DEPDC5: variants seen among roughly 807,000 people sequenced by gnomAD.
The protein encoded by DEPDC5 is DEP domain containing 5, GATOR1 subcomplex subunit.
A neutral mutation model predicts 217.3 loss-of-function variants in DEPDC5; 73 were observed. The ratio of observed to expected loss-of-function variants is 0.34; its 90% CI spans 0.28 to 0.41. The LOEUF is 0.41. Ranked by LOEUF, DEPDC5 falls within the 10% of genes least tolerant of loss-of-function variation. The probability of loss-of-function intolerance (pLI) is 1.00; values close to 1 mark genes in which losing one functional copy is unlikely to be tolerated. For synonymous variants in DEPDC5, 733 were observed against 756.7 expected, an observed-to-expected ratio of 0.97 and a Z score of 0.51; for missense variants, 1,675 against 2,070.1, an observed-to-expected ratio of 0.81 and a Z score of 3.70.
intron 25 of DEPDC5, among the ~76,000 whole-genome samples, chr22:31,834,869 C>G (rs924034485): frequency 6.6e-6 from 1 of 152,150 alleles, no homozygotes; most frequent in Non-Finnish European, 1.5e-5. Flanking sequence ...TTGTTCAGGT[C>G]CCTCCTAGCA....
chr22:31,773,615 A>G (rs1188558199), intron 7 of DEPDC5, among the ~76,000 whole-genome samples: 1 of 152,212 alleles, frequency 6.6e-6, no homozygotes, highest in African/African-American at 2.4e-5. Flanking sequence ...CACTGGATCA[A>G]AGGTTACTTT....
At chr22:31,798,557 CT>C in intron 13 of DEPDC5, 24 bp from the exon 14 acceptor site, 1 of 1,589,578 alleles carries the variant, frequency 6.3e-7, no homozygotes. Flanking sequence ...AGATGTTTTT[CT>C]TTCTCTTGCA....
At chr22:31,843,962 A>G in intron 29 of DEPDC5, 150 bp downstream of exon 29, 3 of 899,704 alleles carry the variant, frequency 3.3e-6, no homozygotes, top group Non-Finnish European at 4.6e-6. Flanking sequence ...GCGGTGGCTC[A>G]TGCCTGTAAT....
chr22:31,760,819 A>G (rs2082326359), intron 4 of DEPDC5, 117 bp downstream of exon 4: 1 of 844,392 alleles, frequency 1.2e-6, no homozygotes, highest in South Asian at 1.8e-5. Flanking sequence ...TTTTAAACAA[A>G]TTTTAATTTA....
chr22:31,838,900 G>A, intron 27 of DEPDC5, 55 bp downstream of exon 27: 3 of 1,541,214 alleles, frequency 1.9e-6, no homozygotes, highest in Non-Finnish European at 2.6e-6. Context: ...GTATGTGGAA[G>A]TGGGTTTTCA....
intron 12 of DEPDC5, among the ~76,000 whole-genome samples, chr22:31,795,474 A>G (rs1197779534): frequency 6.6e-6 from 1 of 151,820 alleles, no homozygotes; most frequent in Non-Finnish European, 1.5e-5. Context: ...ACTCACTGCA[A>G]ACTCCGCCTT....
At chr22:31,844,981 C>A (rs1270634499) in intron 29 of DEPDC5, 37 bp from the exon 30 acceptor site, 1 of 1,608,462 alleles carries the variant, frequency 6.2e-7, no homozygotes, top group Non-Finnish European at 8.5e-7. Flanking sequence ...TATCTCCTTT[C>A]TCTCACCACC....
In DEPDC5 at chr22:31,776,163, G is replaced by T. The variant is rs947085185; in HGVS notation, c.414-1936G>T. ...GTCTCACTCTGTTGCCCAGACTGGA[G>T]TGCAGTGGTGCGATCACAGCTCACT... is the stretch of plus-strand genomic sequence containing the variant. On this transcript the variant is annotated intron_variant, in intron 7 of 42. Coordinates refer to ENST00000651528, the MANE Select transcript of DEPDC5 (RefSeq NM_001242896.3). 8.0e-4 allele frequency among the ~76,000 whole-genome samples: 119 copies of T among 148,752 alleles called. 1 individual carries two copies. The highest frequency in any genetic ancestry group is 2.9e-3 in the African/African-American group (117 of 40,396).
intron 24 of DEPDC5, chr22:31,831,299 G>A (rs1170792029): frequency 6.6e-6 from 1 of 152,080 alleles, no homozygotes; most frequent in African/African-American, 2.4e-5. Context: ...CATATCTACT[G>A]GTGTGGGTTT....
chr22:31,855,188 C>G (rs1446662195), intron 31 of DEPDC5, among the ~76,000 whole-genome samples: 1 of 151,982 alleles, frequency 6.6e-6, no homozygotes, highest in Non-Finnish European at 1.5e-5. Flanking sequence ...TGGTCTCAAT[C>G]TTCTGACCTC....
intron 38 of DEPDC5, among the ~76,000 whole-genome samples, chr22:31,881,008 C>T (rs2093159040): frequency 6.9e-6 from 1 of 145,110 alleles, no homozygotes; most frequent in Non-Finnish European, 1.5e-5. Context: ...GAATAAGACT[C>T]CGTCTCAAAA....
Position 31,758,638 on chromosome 22 carries a change from G to A in DEPDC5, c.146+5G>A, listed in dbSNP as rs748264035. ...ACACCCCAACGATGAATACAGGTGAGTGTCTCATAGGATCCATGGAACTGG... is the reference window on the plus strand; with the variant it reads ...ACACCCCAACGATGAATACAGGTGAATGTCTCATAGGATCCATGGAACTGG... On this transcript the variant is annotated splice_donor_5th_base_variant and intron_variant, in intron 3 of 42. Coordinates refer to ENST00000651528, the MANE Select transcript of DEPDC5 (RefSeq NM_001242896.3). 117 of 1,613,126 alleles carry A rather than the reference G, an allele frequency of 7.3e-5. No individual in the cohort carries two copies. The Admixed American group carries it at 1.9e-3, about 26-fold the overall frequency.
intron 31 of DEPDC5, among the ~76,000 whole-genome samples, chr22:31,847,455 C>A (rs1569096113): frequency 6.6e-6 from 1 of 152,056 alleles, no homozygotes; most frequent in Non-Finnish European, 1.5e-5. Flanking sequence ...GAAGTTTAAT[C>A]AACTCACAGT....
chr22:31,879,164 G>T (rs947133183), intron 37 of DEPDC5, among the ~76,000 whole-genome samples: 5 of 144,696 alleles, frequency 3.5e-5, no homozygotes, highest in African/African-American at 1.3e-4. Context: ...AAATTCACAT[G>T]ATATAAAATT....
intron 37 of DEPDC5, 120 bp downstream of exon 37, chr22:31,876,385 TCTGTCAA>T: frequency 1.4e-6 from 1 of 714,344 alleles, no homozygotes; most frequent in South Asian, 1.8e-5. Context: ...AGTTGACAGA[TCTGTCAA>T]CTTCCTTGAG....
chr22:31,821,553 C>G lies in DEPDC5; in HGVS notation c.1922C>G (p.Ala641Gly). ...CACCACCAGACCCGACAGAATATGG[C>G]GGAGCTACAAGGCAGCGGGCAGAGG... Reference protein sequence around the residue: ...QIHHQTRQNMAELQGSGQRDP... With the variant: ...QIHHQTRQNMGELQGSGQRDP... Residue 641 changes from alanine (A) to glycine (G), a missense_variant, in exon 23 of 43, where the codon GCG (alanine) becomes GGG (glycine). Transcript: ENST00000651528. The G allele has an allele frequency of 1.9e-6, 3 of 1,614,174 alleles. No individual in the cohort carries two copies. The highest frequency in any genetic ancestry group is 2.5e-6 in the Non-Finnish European group (3 of 1,180,024).
intron 31 of DEPDC5, among the ~76,000 whole-genome samples, chr22:31,857,002 C>T (rs2092329584): frequency 6.6e-6 from 1 of 152,264 alleles, no homozygotes; most frequent in South Asian, 2.1e-4. Flanking sequence ...AACCCCTGAC[C>T]TCAGATGATC....
At chr22:31,823,764 T>C (rs1332191656) in intron 24 of DEPDC5, among the ~76,000 whole-genome samples, 1 of 152,190 alleles carries the variant, frequency 6.6e-6, no homozygotes, top group Non-Finnish European at 1.5e-5. Flanking sequence ...ATATATTTTA[T>C]ACATGGGCAA....
At chr22:31,773,997 G>A (rs369050978) in intron 7 of DEPDC5, among the ~76,000 whole-genome samples, 1 of 151,998 alleles carries the variant, frequency 6.6e-6, no homozygotes, top group Non-Finnish European at 1.5e-5. Flanking sequence ...CTTGAACCTG[G>A]GAGGCAGAGG....
Sources: gnomAD v4.1 joint callset for allele counts (sites outside exome capture counted in the v4.1 genomes callset) on GRCh38, gnomAD v4.1.1 for gene constraint, MANE v1.5 for transcripts, NCBI Gene and HGNC (gene_info 2026-07-23, HGNC 2026-07-21) for gene names.